Variants in TAFA4 observed in about 807,000 individuals in gnomAD.
TAFA4 encodes the protein TAFA chemokine like family member 4.
In TAFA4, 20 loss-of-function variants were observed where a neutral mutation model predicts 21.1. The ratio of observed to expected loss-of-function variants is 0.95; its 90% confidence interval spans 0.67 to 1.38. The LOEUF is 1.38. TAFA4 is among the 40% of genes most tolerant of loss of function. The pLI, the probability that TAFA4 is intolerant of heterozygous loss-of-function variation, is 0.00. For synonymous variants in TAFA4, 71 were observed against 67.4 expected (o/e 1.05, Z -0.26); for missense variants, 211 against 180.9 (o/e 1.17, Z -0.95).
chr3:68,892,911 A>G (rs1267715166), intron 1 of TAFA4, among the ~76,000 whole-genome samples: 1 of 152,270 alleles, frequency 6.6e-6, no homozygotes, highest in Non-Finnish European at 1.5e-5. Flanking sequence ...CTGGCAAGTT[A>G]CATAAAATAA....
rs1244412015 is a variant in TAFA4 at position 68,916,555 on chromosome 3, T to C, written c.-123+15685A>G. On this transcript the variant is annotated intron_variant, in intron 1 of 5. Transcript: ENST00000295569. ...TCATTAAAACTAGGTCCCAACTTCA[T>C]TTATGACTGCATTCTGCCTGTATCA... 4.6e-5 allele frequency among the ~76,000 whole-genome samples: 7 copies of C among 152,356 alleles called. No individual in the cohort carries two copies. The East Asian group carries it at 1.3e-3, about 29-fold the overall frequency.
intron 3 of TAFA4, among the ~76,000 whole-genome samples, chr3:68,769,503 C>T (rs116263482): frequency 1.9e-3 from 295 of 152,272 alleles, no homozygotes; most frequent in African/African-American, 6.6e-3. Flanking sequence ...CACTGTTCTA[C>T]TGCACAGTAG....
chr3:68,858,447 T>C (rs1466020865), intron 3 of TAFA4, among the ~76,000 whole-genome samples: 1 of 152,110 alleles, frequency 6.6e-6, no homozygotes, highest in Admixed American at 6.6e-5. Flanking sequence ...CTTTTCCCAA[T>C]TGATGGGAAA....
At chr3:68,880,578 T>C in intron 3 of TAFA4, 152 bp downstream of exon 3, 2 of 594,710 alleles carry the variant, frequency 3.4e-6, no homozygotes, top group Non-Finnish European at 5.9e-6. Flanking sequence ...ACTAAACCAT[T>C]AAACTGTGTT....
At chr3:68,925,543 C>T (rs1024010315) in intron 1 of TAFA4, among the ~76,000 whole-genome samples, 1 of 152,168 alleles carries the variant, frequency 6.6e-6, no homozygotes, top group African/African-American at 2.4e-5. Context: ...CTAGACACCA[C>T]TTTAAAAGGT....
chr3:68,813,969 T>C (rs1703902368), intron 3 of TAFA4, among the ~76,000 whole-genome samples: 1 of 152,288 alleles, frequency 6.6e-6, no homozygotes, highest in East Asian at 1.9e-4. Flanking sequence ...TTATCCACCA[T>C]GATCAAGTTG....
At chr3:68,894,059 C>T (rs1393458842) in intron 1 of TAFA4, among the ~76,000 whole-genome samples, 1 of 151,886 alleles carries the variant, frequency 6.6e-6, no homozygotes, top group Non-Finnish European at 1.5e-5. Context: ...ATACTAACAG[C>T]TTCTAAATAA....
intron 3 of TAFA4, among the ~76,000 whole-genome samples, chr3:68,787,864 G>A (rs1239334597): frequency 6.6e-6 from 1 of 152,204 alleles, no homozygotes; most frequent in South Asian, 2.1e-4. Context: ...CTAGCAACTT[G>A]TAACCCGATT....
At chr3:68,795,221 A>G (rs529680443) in intron 3 of TAFA4, among the ~76,000 whole-genome samples, 74 of 151,702 alleles carry the variant, frequency 4.9e-4, no homozygotes, top group Admixed American at 9.9e-4. Context: ...AGATTCAGAT[A>G]CTGATAACAG....
chr3:68,886,321 A>G (rs749270859), intron 1 of TAFA4, among the ~76,000 whole-genome samples: 56 of 152,352 alleles, frequency 3.7e-4, no homozygotes, highest in Non-Finnish European at 7.3e-4. Flanking sequence ...TAGTTCAACA[A>G]GAGAGAAATG....
intron 1 of TAFA4, among the ~76,000 whole-genome samples, chr3:68,885,900 C>T (rs1254903330): frequency 3.3e-5 from 5 of 152,196 alleles, no homozygotes; most frequent in South Asian, 4.2e-4. Flanking sequence ...ATTCCCTCAA[C>T]GCATAAACCT....
chr3:68,862,721 C>T (rs1377156138), intron 3 of TAFA4, among the ~76,000 whole-genome samples: 1 of 151,974 alleles, frequency 6.6e-6, no homozygotes, highest in African/African-American at 2.4e-5. Flanking sequence ...CATTTAAACC[C>T]CCTTGGGCTG....
chr3:68,741,261 C>T (rs1295570290), intron 4 of TAFA4, among the ~76,000 whole-genome samples: 1 of 152,120 alleles, frequency 6.6e-6, no homozygotes, highest in Non-Finnish European at 1.5e-5. Flanking sequence ...TTTTTCCAAT[C>T]CACGAACACA....
chr3:68,768,894 A>T (rs1246202705), intron 3 of TAFA4, among the ~76,000 whole-genome samples: 1 of 152,186 alleles, frequency 6.6e-6, no homozygotes, highest in Non-Finnish European at 1.5e-5. Context: ...ACCATGCTGA[A>T]CCCATAACAG....
chr3:68,805,107 G>GA lies in TAFA4; in HGVS notation c.131-52090dup, dbSNP rs543589836. On this transcript the variant is annotated intron_variant, in intron 3 of 5. Coordinates refer to ENST00000295569, the MANE Select transcript of TAFA4 (RefSeq NM_182522.5). The stretch of plus-strand genomic sequence containing the variant: ...ACAATGAACTCAAACAAATTTACAG[G>GA]AAAAAAACAAACAACCCCATCAAAA... Among the ~76,000 whole-genome samples, 937 of 151,906 alleles carry GA rather than the reference G, an allele frequency of 6.2e-3. 9 individuals are homozygous for GA. Among genetic ancestry groups the GA allele is most frequent in the African/African-American group, 0.022 (905 of 41,412 alleles).
At chr3:68,741,979 A>C (rs924408598) in intron 4 of TAFA4, among the ~76,000 whole-genome samples, 1 of 152,126 alleles carries the variant, frequency 6.6e-6, no homozygotes, top group Admixed American at 6.5e-5. Flanking sequence ...ATCCTCAACA[A>C]AACACTAGCA....
intron 3 of TAFA4, among the ~76,000 whole-genome samples, chr3:68,827,328 T>C (rs1396417910): frequency 1.8e-4 from 28 of 152,290 alleles, no homozygotes; most frequent in South Asian, 2.1e-4. Context: ...CTATTATGAA[T>C]AGTGCCACAA....
chr3:68,927,412 A>C (rs2090118426), intron 1 of TAFA4, among the ~76,000 whole-genome samples: 1 of 152,242 alleles, frequency 6.6e-6, no homozygotes, highest in Non-Finnish European at 1.5e-5. Flanking sequence ...ATTAAAAAAA[A>C]TGAATAAATA....
chr3:68,807,531 T>C (rs1217124087), intron 3 of TAFA4, among the ~76,000 whole-genome samples: 3 of 151,704 alleles, frequency 2.0e-5, no homozygotes, highest in African/African-American at 7.3e-5. Flanking sequence ...TCCTGCAAAA[T>C]GAAGAATCAT....
Sources: allele counts gnomAD v4.1 joint callset (sites outside exome capture counted in the v4.1 genomes callset), GRCh38; gene constraint gnomAD v4.1.1; transcripts MANE v1.5; gene names NCBI Gene and HGNC (gene_info 2026-07-23, HGNC 2026-07-21).